PLCL1: variants seen among roughly 807,000 people sequenced by gnomAD.
PLCL1 encodes the protein inactive phospholipase C-like protein 1.
A neutral mutation model predicts 84.4 loss-of-function variants in PLCL1; 41 were observed. The observed-to-expected ratio is 0.49, with a 90% confidence interval of 0.38 to 0.63. PLCL1 has a LOEUF of 0.63. PLCL1 is among the 30% of genes least tolerant of loss of function. The pLI is 0.00. For synonymous variants in PLCL1, 490 were observed against 488.3 expected (o/e 1.00, Z -0.05); for missense variants, 1,206 against 1,367.8 (o/e 0.88, Z 1.87).
chr2:197,816,536 A>G (rs942639397), intron 1 of PLCL1, among the ~76,000 whole-genome samples: 2 of 152,158 alleles, frequency 1.3e-5, no homozygotes, highest in African/African-American at 4.8e-5. Context: ...GACTGAAGTT[A>G]TCTTCTTTAC....
intron 1 of PLCL1, among the ~76,000 whole-genome samples, chr2:197,913,966 T>A (rs1688540403): frequency 6.6e-6 from 1 of 152,208 alleles, no homozygotes; most frequent in African/African-American, 2.4e-5. Context: ...ATATCCATTA[T>A]ACTAATTAAT....
chr2:197,976,734 A>G, intron 1 of PLCL1, among the ~76,000 whole-genome samples: 1 of 152,222 alleles, frequency 6.6e-6, no homozygotes, highest in East Asian at 1.9e-4. Flanking sequence ...GGCATGAGCC[A>G]CTGTGCCCGG....
chr2:197,807,690 A>ATT (rs915239855), intron 1 of PLCL1, among the ~76,000 whole-genome samples: 1 of 151,658 alleles, frequency 6.6e-6, no homozygotes, highest in Non-Finnish European at 1.5e-5. Context: ...TTGCCAAGAG[A>ATT]TTTTTTTTTA....
intron 1 of PLCL1, among the ~76,000 whole-genome samples, chr2:197,826,956 TC>T (rs906129605): frequency 7.2e-5 from 11 of 152,192 alleles, no homozygotes; most frequent in African/African-American, 2.7e-4. Context: ...CATCTTTGTC[TC>T]CTTTTTCCCC....
intron 5 of PLCL1, among the ~76,000 whole-genome samples, chr2:198,137,258 A>AT (rs201247601): frequency 6.6e-6 from 1 of 152,122 alleles, no homozygotes. Flanking sequence ...TGGGCAATGT[A>AT]TTTTTTTAGC....
chr2:197,829,063 A>C (rs1690996527), intron 1 of PLCL1, among the ~76,000 whole-genome samples: 1 of 152,224 alleles, frequency 6.6e-6, no homozygotes, highest in Non-Finnish European at 1.5e-5. Flanking sequence ...GCATGCAGTC[A>C]AATTTGCATT....
At chr2:197,920,835 G>A (rs1440894073) in intron 1 of PLCL1, among the ~76,000 whole-genome samples, 1 of 152,164 alleles carries the variant, frequency 6.6e-6, no homozygotes. Flanking sequence ...AACCATGAAA[G>A]CCTTTCGTAT....
In PLCL1 at chr2:197,982,776, A is replaced by G. The variant is rs534597102; in HGVS notation, c.241-100982A>G. Among the ~76,000 whole-genome samples the G allele has an allele frequency of 3.3e-5, 5 of 152,316 alleles. 1 individual carries two copies. The South Asian group carries it at 1.0e-3, about 32-fold the overall frequency. On this transcript the variant is annotated intron_variant, in intron 1 of 5. Coordinates refer to ENST00000428675, the MANE Select transcript of PLCL1 (RefSeq NM_006226.4). ...ATCCAAACATGTGAGTTGAGTGCCC[A>G]CAAGGCAGGGCTGAAGCCTTGGAGG...
intron 1 of PLCL1, among the ~76,000 whole-genome samples, chr2:198,004,301 T>G (rs1056049269): frequency 1.3e-5 from 2 of 152,196 alleles, no homozygotes; most frequent in Admixed American, 1.3e-4. Flanking sequence ...CAGGGAAGTT[T>G]AGTGGATTAG....
intron 1 of PLCL1, among the ~76,000 whole-genome samples, chr2:197,811,231 C>T (rs368474200): frequency 5.3e-5 from 8 of 152,204 alleles, no homozygotes; most frequent in Middle Eastern, 3.2e-3. Flanking sequence ...AAACGGCCAA[C>T]TTCTGTAACA....
chr2:198,126,647 G>A (rs1452108839), intron 5 of PLCL1, among the ~76,000 whole-genome samples: 1 of 152,102 alleles, frequency 6.6e-6, no homozygotes, highest in African/African-American at 2.4e-5. Flanking sequence ...GCTCATTCCT[G>A]TAATCCCAGC....
At chr2:197,962,319 C>T (rs1689638765) in intron 1 of PLCL1, among the ~76,000 whole-genome samples, 2 of 152,084 alleles carry the variant, frequency 1.3e-5, no homozygotes, top group African/African-American at 2.4e-5. Flanking sequence ...TGTGTGACCA[C>T]TTGATTAACC....
At position 197,805,325 on chromosome 2, in the gene PLCL1, A is replaced by G. The variant is rs1574888013; in HGVS notation, c.226A>G (p.Ser76Gly). Residue 76 changes from serine to glycine, a missense_variant, in exon 1 of 6, where the codon AGC becomes GGC. Transcript: ENST00000428675. The surrounding 1 kb of genome is among the most constrained non-coding windows in gnomAD (Gnocchi z 4.0). ...GGCAGCACGGGCGACCCCCCGGCGC[A>G]GCAGCATCATCAAGGTAAGCAAAGC... ...LEAARATPRRSSIIKDPSNQK... is the reference protein window; with the variant it reads ...LEAARATPRRGSIIKDPSNQK... The G allele has an allele frequency of 1.5e-6, 2 of 1,322,140 alleles. No homozygotes were observed. The highest frequency in any genetic ancestry group is 4.0e-5 in the Admixed American group (1 of 24,988). 81.9% of individuals were successfully genotyped at this position (1,322,140 alleles called of 1,614,324 possible).
intron 1 of PLCL1, among the ~76,000 whole-genome samples, chr2:197,885,606 T>G (rs1221175304): frequency 6.6e-6 from 1 of 152,136 alleles, no homozygotes; most frequent in Non-Finnish European, 1.5e-5. Flanking sequence ...CAAGGTCCCG[T>G]CAAGTTGACA....
intron 1 of PLCL1, among the ~76,000 whole-genome samples, chr2:197,841,173 A>G (rs1686993214): frequency 6.6e-6 from 1 of 152,198 alleles, no homozygotes; most frequent in African/African-American, 2.4e-5. Flanking sequence ...ATAAGCCAAT[A>G]TCAATATATT....
At position 198,088,958 on chromosome 2, in the gene PLCL1, A is replaced by G. The variant is rs749757642; in HGVS notation, c.2816A>G (p.Asn939Ser). The change falls in exon 3 of 6, where the codon AAT becomes AGT. Residue 939 changes from asparagine (N) to serine (S), a missense_variant. Asn to Ser is a conservative substitution (Grantham distance 46). Transcript: ENST00000428675. ...TLSSRLITSD[N>S]TPSVSLVMKD... is the part of the protein sequence containing the mutation. ...TCATCTCGGCTCATCACCAGTGACA[A>G]TACTCCTTCAGTCTCACTTGTGATG... 1 of 1,612,630 alleles carries G rather than the reference A, an allele frequency of 6.2e-7. No individual in the cohort carries two copies. Among genetic ancestry groups the G allele is most frequent in the South Asian group, 1.1e-5 (1 of 91,040 alleles).
At chr2:197,980,540 G>A (rs1460831671) in intron 1 of PLCL1, among the ~76,000 whole-genome samples, 1 of 152,118 alleles carries the variant, frequency 6.6e-6, no homozygotes, top group Non-Finnish European at 1.5e-5. Context: ...TTCATTTCAA[G>A]TGAGAGAATG....
At chr2:197,970,056 G>A (rs763033775) in intron 1 of PLCL1, among the ~76,000 whole-genome samples, 36 of 152,266 alleles carry the variant, frequency 2.4e-4, no homozygotes, top group Non-Finnish European at 4.0e-4. Flanking sequence ...TTGAGCCCCT[G>A]AAGTATGGCA....
chr2:198,114,795 A>ATGTGTG (rs397715153), intron 5 of PLCL1, among the ~76,000 whole-genome samples: 2,527 of 150,492 alleles, frequency 0.017, 60 homozygotes, highest in African/African-American at 0.054. Flanking sequence ...ACTTCTCTGA[A>ATGTGTG]TGTGTGTGTG....
Sources: gnomAD v4.1 joint callset for allele counts (sites outside exome capture counted in the v4.1 genomes callset) on GRCh38, gnomAD v4.1.1 for gene constraint, Gnocchi (gnomAD v3.1) non-coding constraint, MANE v1.5 for transcripts, NCBI Gene and HGNC (gene_info 2026-07-23, HGNC 2026-07-21) for gene names.